The following ARHGAP6 variants were observed in gnomAD, a reference collection of about 807,000 sequenced individuals.
The protein encoded by ARHGAP6 is rho GTPase-activating protein 6.
ARHGAP6 carries 16 observed loss-of-function variants against 55.7 expected under a neutral mutation model. The observed-to-expected ratio is 0.29, with a 90% CI of 0.19 to 0.44. The LOEUF is 0.44. Among genes scored for constraint, ARHGAP6 ranks in the 20% least tolerant of loss-of-function variants. The pLI, the probability that ARHGAP6 is intolerant of heterozygous loss-of-function variation, is 1.00. For synonymous variants in ARHGAP6, 382 were observed against 360.9 expected (o/e 1.06, Z -0.66); for missense variants, 698 against 808.9 (o/e 0.86, Z 1.66).
intron 1 of ARHGAP6, among the ~76,000 whole-genome samples, chrX:11,309,877 C>T (rs1465419455): frequency 9.0e-6 from 1 of 111,606 alleles, no homozygotes; most frequent in African/African-American, 3.3e-5. Context: ...ATCAAAATCA[C>T]AGTGAGGCTC....
chrX:11,222,931 T>A (rs1273022275), intron 2 of ARHGAP6, among the ~76,000 whole-genome samples: 1 of 112,204 alleles, frequency 8.9e-6, no homozygotes, highest in East Asian at 2.8e-4. Context: ...ATCTGTCAAT[T>A]AAGTGATTTG....
At chrX:11,437,064 G>C (rs1179628566) in intron 1 of ARHGAP6, among the ~76,000 whole-genome samples, 1 of 110,898 alleles carries the variant, frequency 9.0e-6, no homozygotes, top group Non-Finnish European at 1.9e-5. Context: ...TAGAAGGAAG[G>C]AAATAAGGAA....
intron 1 of ARHGAP6, among the ~76,000 whole-genome samples, chrX:11,536,063 C>T (rs937078334): frequency 9.0e-6 from 1 of 111,660 alleles, no homozygotes; most frequent in African/African-American, 3.3e-5. Context: ...AAGCCCACAA[C>T]ATAACATAGA....
At position 11,231,610 on chromosome X, in the gene ARHGAP6, C is replaced by G. The variant is rs758331852; in HGVS notation, c.748+22938G>C. 1.1e-4 allele frequency among the ~76,000 whole-genome samples: 12 copies of G among 112,260 alleles called. No homozygotes were observed. The South Asian group carries it at 2.6e-3, about 24-fold the overall frequency. The stretch of plus-strand genomic sequence containing the variant: ...TAGGCTTATATCTTTGTGAAGATAT[C>G]TAAATTAAGGTGATCCAGTCAAATC... On this transcript the variant is annotated intron_variant, in intron 2 of 12. Coordinates refer to ENST00000337414, the MANE Select transcript of ARHGAP6 (RefSeq NM_013427.3).
chrX:11,436,693 G>T (rs1174244214), intron 1 of ARHGAP6, among the ~76,000 whole-genome samples: 2 of 112,091 alleles, frequency 1.8e-5, no homozygotes, highest in Non-Finnish European at 3.8e-5. Flanking sequence ...TACAATGAAA[G>T]ATTACTTGGC....
At chrX:11,454,662 C>G (rs1490789706) in intron 1 of ARHGAP6, among the ~76,000 whole-genome samples, 1 of 111,856 alleles carries the variant, frequency 8.9e-6, no homozygotes, top group African/African-American at 3.2e-5. Context: ...CAGTCTAGCT[C>G]TGCCTCATGT....
intron 1 of ARHGAP6, among the ~76,000 whole-genome samples, chrX:11,630,645 A>C (rs1007585514): frequency 4.5e-5 from 5 of 112,315 alleles, no homozygotes; most frequent in African/African-American, 1.6e-4. Flanking sequence ...GGATGGATGG[A>C]CAGACAGAAA....
intron 2 of ARHGAP6, among the ~76,000 whole-genome samples, chrX:11,233,890 T>C (rs1042517964): frequency 1.8e-5 from 2 of 112,354 alleles, no homozygotes; most frequent in African/African-American, 3.2e-5. Flanking sequence ...AAATCTCACA[T>C]AGGACAATGG....
In ARHGAP6 at chrX:11,179,418, G is replaced by A; in HGVS notation, c.1364C>T (p.Ser455Phe). ...ATGAACACTGTGCTCCTCCTCCAGA[G>A]AGACATCAATCCCACGGTCAAATTC... Reference protein sequence around the residue: ...REEFDRGIDVSLEEEHSVHDV... With the variant: ...REEFDRGIDVFLEEEHSVHDV... The change falls in exon 7 of 13, where the codon TCT becomes TTT. Residue 455 changes from serine to phenylalanine, a missense_variant. Transcript: ENST00000337414. 1 of 1,210,052 alleles carries A rather than the reference G, an allele frequency of 8.3e-7. No individual in the cohort carries two copies. Among genetic ancestry groups the A allele is most frequent in the East Asian group, 3.0e-5 (1 of 33,788 alleles).
At chrX:11,148,898 C>G (rs2045735732) in intron 10 of ARHGAP6, 2 of 224,804 alleles carry the variant, frequency 8.9e-6, no homozygotes, top group Non-Finnish European at 1.7e-5. Context: ...TATCATCCAT[C>G]TTGGATTATA....
chrX:11,471,679 T>C (rs2050348294), intron 1 of ARHGAP6, among the ~76,000 whole-genome samples: 2 of 112,195 alleles, frequency 1.8e-5, no homozygotes, highest in Non-Finnish European at 3.8e-5. Flanking sequence ...AAGTAATACA[T>C]TTTTAAAATT....
intron 1 of ARHGAP6, among the ~76,000 whole-genome samples, chrX:11,654,506 C>T (rs903113702): frequency 7.1e-5 from 8 of 112,046 alleles, no homozygotes; most frequent in African/African-American, 2.6e-4. Flanking sequence ...TCTAGAATTA[C>T]TGTTACTTCT....
At chrX:11,476,291 C>T (rs1299077999) in intron 1 of ARHGAP6, among the ~76,000 whole-genome samples, 8 of 110,963 alleles carry the variant, frequency 7.2e-5, no homozygotes, top group Non-Finnish European at 1.1e-4. Context: ...AACAATACAA[C>T]GTATAATTTA....
At chrX:11,568,789 T>C (rs1471620276) in intron 1 of ARHGAP6, among the ~76,000 whole-genome samples, 1 of 109,948 alleles carries the variant, frequency 9.1e-6, no homozygotes, top group African/African-American at 3.3e-5. Context: ...TTCTGCTCAC[T>C]AAATCAAAGT....
chrX:11,593,250 G>A (rs1437246198), intron 1 of ARHGAP6, among the ~76,000 whole-genome samples: 1 of 111,839 alleles, frequency 8.9e-6, no homozygotes, highest in Non-Finnish European at 1.9e-5. Context: ...GATTATTCCA[G>A]GAGAAGGAGA....
chrX:11,595,498 T>C (rs766285705), intron 1 of ARHGAP6, among the ~76,000 whole-genome samples: 2 of 111,233 alleles, frequency 1.8e-5, no homozygotes, highest in South Asian at 7.6e-4. Context: ...GGCAATACCA[T>C]TCAGGACATA....
chrX:11,277,087 G>A (rs189172422), intron 1 of ARHGAP6, among the ~76,000 whole-genome samples: 1 of 111,092 alleles, frequency 9.0e-6, no homozygotes, highest in East Asian at 2.9e-4. Flanking sequence ...TGTCTCTATG[G>A]TTTTGCATGT....
intron 1 of ARHGAP6, among the ~76,000 whole-genome samples, chrX:11,477,130 A>C (rs1476401395): frequency 9.3e-6 from 1 of 107,861 alleles, no homozygotes; most frequent in African/African-American, 3.4e-5. Flanking sequence ...AAAAATTGAC[A>C]ATTTTTCAGT....
chrX:11,590,826 GAA>G (rs1170309397), intron 1 of ARHGAP6, among the ~76,000 whole-genome samples: 1 of 34,493 alleles, frequency 2.9e-5, no homozygotes, highest in Non-Finnish European at 4.7e-5. Flanking sequence ...GAAAAGAAAA[GAA>G]AAGAAAAGAA....
Sources: gnomAD v4.1 joint callset for allele counts (sites outside exome capture counted in the v4.1 genomes callset) on GRCh38, gnomAD v4.1.1 for gene constraint, MANE v1.5 for transcripts, NCBI Gene and HGNC (gene_info 2026-07-23, HGNC 2026-07-21) for gene names.